Variants in RGS5 observed in about 807,000 individuals in gnomAD.
The protein encoded by RGS5 is regulator of G-protein signalling 5.
In RGS5, 20 loss-of-function variants were observed where a neutral mutation model predicts 18.9. The observed-to-expected ratio is 1.06, with a 90% CI of 0.74 to 1.54. The LOEUF (loss-of-function observed/expected upper bound fraction) is 1.54, where lower values mean the gene tolerates loss of function less well. Ranked by LOEUF, RGS5 falls within the 40% of genes most tolerant of loss-of-function variation. The pLI is 0.00. For synonymous variants in RGS5, 57 were observed against 76.2 expected (o/e 0.75, Z 1.31); for missense variants, 201 against 211.8 (o/e 0.95, Z 0.32).
intron 1 of RGS5, among the ~76,000 whole-genome samples, chr1:163,182,205 C>T (rs760948299): frequency 1.3e-5 from 2 of 152,108 alleles, no homozygotes; most frequent in African/African-American, 2.4e-5. Flanking sequence ...ATTTGACTAG[C>T]ATTCAAGGTA....
chr1:163,246,177 C>T (rs375906354), intron 2 of RGS5, among the ~76,000 whole-genome samples: 1 of 150,108 alleles, frequency 6.7e-6, no homozygotes, highest in East Asian at 2.0e-4. Context: ...GCCAAGATCG[C>T]GCCACTGCAC....
intron 2 of RGS5, among the ~76,000 whole-genome samples, chr1:163,246,302 G>C (rs1647934176): frequency 6.6e-6 from 1 of 151,352 alleles, no homozygotes. Context: ...CAGGCGTGGT[G>C]CCTCACGCCT....
intron 2 of RGS5, among the ~76,000 whole-genome samples, chr1:163,245,277 T>C (rs939169051): frequency 3.3e-5 from 5 of 152,350 alleles, no homozygotes; most frequent in Admixed American, 6.5e-5. Flanking sequence ...CCATGAACTC[T>C]ATTCAGCCAC....
At chr1:163,243,883 A>G (rs573045033) in intron 2 of RGS5, among the ~76,000 whole-genome samples, 150 of 152,246 alleles carry the variant, frequency 9.9e-4, no homozygotes, top group African/African-American at 3.5e-3. Flanking sequence ...AGAATATTGT[A>G]TTGGTTAAGG....
chr1:163,262,247 G>A (rs544727321), intron 2 of RGS5, among the ~76,000 whole-genome samples: 25 of 117,236 alleles, frequency 2.1e-4, no homozygotes, highest in South Asian at 3.2e-4. Flanking sequence ...ATGCTGGTGC[G>A]CTGCACCCAC....
chr1:163,182,178 A>G (rs1264580078), intron 1 of RGS5, among the ~76,000 whole-genome samples: 1 of 152,206 alleles, frequency 6.6e-6, no homozygotes, highest in Non-Finnish European at 1.5e-5. Context: ...AGGATAGGAT[A>G]GGCTCAAGAA....
At chr1:163,281,425 G>T (rs1386126092) in intron 2 of RGS5, among the ~76,000 whole-genome samples, 1 of 152,112 alleles carries the variant, frequency 6.6e-6, no homozygotes, top group Non-Finnish European at 1.5e-5. Flanking sequence ...AGGCAAACAA[G>T]GAGCTGCATA....
chr1:163,284,013 G>A (rs1023549034), intron 2 of RGS5, among the ~76,000 whole-genome samples: 4 of 145,994 alleles, frequency 2.7e-5, no homozygotes, highest in Admixed American at 1.4e-4. Flanking sequence ...GATCATAAAC[G>A]TGTTATTTAA....
At chr1:163,314,872 A>T (rs1240632339) in intron 1 of RGS5, among the ~76,000 whole-genome samples, 1 of 152,222 alleles carries the variant, frequency 6.6e-6, no homozygotes, top group Non-Finnish European at 1.5e-5. Context: ...GCAAGCCCTC[A>T]CCAGACATCA....
intron 1 of RGS5, among the ~76,000 whole-genome samples, chr1:163,202,284 A>G (rs1571285084): frequency 2.0e-5 from 3 of 152,266 alleles, no homozygotes; most frequent in Middle Eastern, 6.8e-3. Flanking sequence ...TAGGTGCCAG[A>G]CATGGTTCTG....
intron 1 of RGS5, among the ~76,000 whole-genome samples, chr1:163,173,646 T>C (rs561174045): frequency 5.3e-5 from 8 of 152,364 alleles, no homozygotes; most frequent in Admixed American, 2.6e-4. Context: ...TAAAATCTTA[T>C]ACTAGGTGTT....
At chr1:163,191,673 A>T (rs7549021) in intron 1 of RGS5, among the ~76,000 whole-genome samples, 1 of 151,984 alleles carries the variant, frequency 6.6e-6, no homozygotes, top group Non-Finnish European at 1.5e-5. Flanking sequence ...AGCACCTTTT[A>T]TTCTAATACT....
intron 2 of RGS5, among the ~76,000 whole-genome samples, chr1:163,269,323 C>G (rs1648651838): frequency 1.3e-5 from 2 of 152,054 alleles, no homozygotes; most frequent in Admixed American, 1.3e-4. Context: ...AGGCATGGTG[C>G]TAAGCATAGC....
chr1:163,271,475 C>G (rs924448003), intron 2 of RGS5, among the ~76,000 whole-genome samples: 1 of 152,136 alleles, frequency 6.6e-6, no homozygotes, highest in African/African-American at 2.4e-5. Context: ...TAAGAAGGCC[C>G]TCACCAGATA....
intron 1 of RGS5, among the ~76,000 whole-genome samples, chr1:163,215,814 C>T (rs2101674612): frequency 6.6e-6 from 1 of 152,204 alleles, no homozygotes; most frequent in African/African-American, 2.4e-5. Context: ...CCTGTAATCC[C>T]AGCACCGTGG....
chr1:163,236,913 A>G (rs1269975985), intron 2 of RGS5, among the ~76,000 whole-genome samples: 9 of 151,620 alleles, frequency 5.9e-5, no homozygotes, highest in Admixed American at 2.0e-4. Flanking sequence ...GTGAGCTGAG[A>G]TGGCACCACT....
chr1:163,287,105 T>G (rs538429668), intron 2 of RGS5, among the ~76,000 whole-genome samples: 2 of 152,156 alleles, frequency 1.3e-5, no homozygotes, highest in Non-Finnish European at 2.9e-5. Flanking sequence ...AAGTAAAAAA[T>G]TAGTAATATT....
At chr1:163,182,179 G>A (rs1219400043) in intron 1 of RGS5, among the ~76,000 whole-genome samples, 1 of 152,120 alleles carries the variant, frequency 6.6e-6, no homozygotes, top group Non-Finnish European at 1.5e-5. Flanking sequence ...GGATAGGATA[G>A]GCTCAAGAAA....
intron 1 of RGS5, among the ~76,000 whole-genome samples, chr1:163,198,370 A>G (rs1659650698): frequency 6.6e-6 from 1 of 152,132 alleles, no homozygotes; most frequent in African/African-American, 2.4e-5. Context: ...CCAGTCACCC[A>G]GAGTAGCAAA....
Sources: allele counts gnomAD v4.1 joint callset (sites outside exome capture counted in the v4.1 genomes callset), GRCh38; gene constraint gnomAD v4.1.1; transcripts MANE v1.5; gene names NCBI Gene and HGNC (gene_info 2026-07-23, HGNC 2026-07-21).